The following LARGE1 variants were observed in gnomAD, a reference collection of about 807,000 sequenced individuals.
LARGE1 encodes the protein xylosyl- and glucuronyltransferase LARGE1.
LARGE1 carries 43 observed loss-of-function variants against 87.6 expected under a neutral mutation model. The observed-to-expected ratio is 0.49, with a 90% CI of 0.38 to 0.63. The LOEUF is 0.63. Ranked by LOEUF, LARGE1 falls within the 30% of genes least tolerant of loss-of-function variation. LARGE1 has a pLI of 0.00. For missense variants in LARGE1, 802 were observed against 1,000.2 expected (o/e 0.80, Z 2.67); for synonymous variants, 434 against 394.6 (o/e 1.10, Z -1.18).
intron 1 of LARGE1, among the ~76,000 whole-genome samples, chr22:33,789,285 TA>T (rs1306246706): frequency 1.3e-5 from 2 of 151,896 alleles, no homozygotes; most frequent in Admixed American, 6.6e-5. Flanking sequence ...GGCCTGGGGG[TA>T]AAGAGAAGTC....
chr22:33,675,235 G>A (rs1242976908), intron 2 of LARGE1, among the ~76,000 whole-genome samples: 6 of 137,876 alleles, frequency 4.4e-5, no homozygotes, highest in Non-Finnish European at 9.1e-5. Context: ...CAGAGGTTGC[G>A]GTGAGCCAAG....
intron 2 of LARGE1, among the ~76,000 whole-genome samples, chr22:33,697,528 C>T (rs928729267): frequency 1.3e-4 from 14 of 107,404 alleles, no homozygotes; most frequent in African/African-American, 2.6e-4. Context: ...TCCAGCCTGG[C>T]GACAAAGCTA....
intron 11 of LARGE1, chr22:33,221,670 T>C (rs1925463624): frequency 6.6e-6 from 1 of 152,226 alleles, no homozygotes; most frequent in Admixed American, 6.5e-5. Context: ...TCCAAAGCTC[T>C]TTTCTTGTGT....
chr22:33,382,991 G>T (rs2065206959), intron 8 of LARGE1, among the ~76,000 whole-genome samples: 4 of 152,172 alleles, frequency 2.6e-5, no homozygotes, highest in Admixed American at 2.6e-4. Flanking sequence ...ATCATGCAGG[G>T]TTTCTTGTTT....
At chr22:33,141,398 G>A in the LARGE1 span, among the ~76,000 whole-genome samples, 33 of 152,278 alleles carry the variant, frequency 2.2e-4, no homozygotes, top group Admixed American at 2.0e-3. Context: ...TGGAAAATAT[G>A]AAGACGAAGT....
At chr22:33,577,116 C>T (rs1569285038) in intron 5 of LARGE1, among the ~76,000 whole-genome samples, 1 of 152,058 alleles carries the variant, frequency 6.6e-6, no homozygotes, top group Non-Finnish European at 1.5e-5. Flanking sequence ...GTTTCTGTTA[C>T]CATAAATTTA....
chr22:33,373,912 T>C (rs1410505736), intron 9 of LARGE1, among the ~76,000 whole-genome samples: 1 of 141,108 alleles, frequency 7.1e-6, no homozygotes, highest in African/African-American at 2.8e-5. Flanking sequence ...AGGTGGAGGT[T>C]GCAGTCAGCC....
chr22:33,609,643 C>A (rs1346980009), intron 4 of LARGE1, among the ~76,000 whole-genome samples: 2 of 151,934 alleles, frequency 1.3e-5, no homozygotes, highest in Admixed American at 1.3e-4. Flanking sequence ...AATGGGAAAC[C>A]CAGCTATACT....
At chr22:33,271,145 T>C (rs1014920989), downstream of LARGE1, among the ~76,000 whole-genome samples, 1 of 152,206 alleles carries the variant, frequency 6.6e-6, no homozygotes, top group African/African-American at 2.4e-5. Flanking sequence ...GTGTGTGTTA[T>C]TGGATGGATG....
At chr22:33,629,355 G>A (rs148780370) in intron 3 of LARGE1, among the ~76,000 whole-genome samples, 1 of 152,234 alleles carries the variant, frequency 6.6e-6, no homozygotes, top group Non-Finnish European at 1.5e-5. Flanking sequence ...TGGCTTCAGG[G>A]TTCAGAGACT....
chr22:33,272,024 G>A (rs1399562698), downstream of LARGE1, among the ~76,000 whole-genome samples: 1 of 152,184 alleles, frequency 6.6e-6, no homozygotes, highest in African/African-American at 2.4e-5. Context: ...ACCCGATTTA[G>A]ATGACAAATT....
intron 6 of LARGE1, among the ~76,000 whole-genome samples, chr22:33,541,052 T>TGGGGG (rs1569252166): frequency 3.9e-5 from 1 of 25,324 alleles, no homozygotes; most frequent in Non-Finnish European, 8.1e-5. Flanking sequence ...GGTGGTGGGT[T>TGGGGG]GCGGGGGGGG....
chr22:33,622,753 C>T (rs1467286373), intron 4 of LARGE1, among the ~76,000 whole-genome samples: 3 of 152,214 alleles, frequency 2.0e-5, no homozygotes, highest in African/African-American at 7.2e-5. Flanking sequence ...GAACCTAGTG[C>T]CATGCCCACT....
chr22:33,513,359 T>C (rs1055301245), intron 6 of LARGE1, among the ~76,000 whole-genome samples: 2 of 152,216 alleles, frequency 1.3e-5, no homozygotes, highest in African/African-American at 4.8e-5. Context: ...AAACTTTGGC[T>C]GAGATTCCTC....
intron 3 of LARGE1, among the ~76,000 whole-genome samples, chr22:33,648,868 T>G (rs1167678551): frequency 6.6e-6 from 1 of 152,210 alleles, no homozygotes; most frequent in Non-Finnish European, 1.5e-5. Context: ...CTGTCTTTTT[T>G]GCTGTTGTTC....
rs1287397804 is a variant in LARGE1, at chr22:33,753,774, G to A, written c.106+7597C>T. ...AAGGCTACGTATAAGAAAAGTAGAG[G>A]TCAGGTCAGGTGCAGTGGCTCATAC... On this transcript the variant is annotated intron_variant, in intron 2 of 14. Transcript: ENST00000397394. 3.9e-5 allele frequency among the ~76,000 whole-genome samples: 6 copies of A among 152,102 alleles called. No individual in the cohort carries two copies. In the East Asian group the frequency reaches 1.2e-3, roughly 29 times the overall value.
Position 33,870,681 on chromosome 22 carries a change from G to A in LARGE1, c.-83+49314C>T, listed in dbSNP as rs188213068. Among the ~76,000 whole-genome samples the A allele has an allele frequency of 2.7e-3, 415 of 152,156 alleles. 5 individuals are homozygous for A. The highest frequency in any genetic ancestry group is 2.0e-3 in the Non-Finnish European group (139 of 68,002). On this transcript the variant is annotated intron_variant, in intron 1 of 14. Coordinates refer to ENST00000397394, the MANE Select transcript of LARGE1 (RefSeq NM_133642.5). ...CCTCCCGGGTTCCAGCGATTCTCCTGCCTCAACCTCCTGAGTAGCTGGGAT... is the reference window on the plus strand; with the variant it reads ...CCTCCCGGGTTCCAGCGATTCTCCTACCTCAACCTCCTGAGTAGCTGGGAT...
At chr22:33,876,734 C>T (rs2064479783) in intron 1 of LARGE1, among the ~76,000 whole-genome samples, 1 of 151,818 alleles carries the variant, frequency 6.6e-6, no homozygotes, top group African/African-American at 2.4e-5. Flanking sequence ...GACGGGTCGA[C>T]AGGTGCAGGA....
At chr22:33,834,676 C>A (rs540726959) in intron 1 of LARGE1, among the ~76,000 whole-genome samples, 1 of 152,150 alleles carries the variant, frequency 6.6e-6, no homozygotes, top group Non-Finnish European at 1.5e-5. Context: ...CACACGGACG[C>A]GAGTGAAAGT....
Sources: gnomAD v4.1 joint callset for allele counts (sites outside exome capture counted in the v4.1 genomes callset) on GRCh38, gnomAD v4.1.1 for gene constraint, MANE v1.5 for transcripts, NCBI Gene and HGNC (gene_info 2026-07-23, HGNC 2026-07-21) for gene names.